The following COL4A4 variants were observed in gnomAD, a reference collection of about 807,000 sequenced individuals.
The protein encoded by COL4A4 is collagen type IV alpha 4 chain.
A neutral mutation model predicts 192.9 loss-of-function variants in COL4A4; 105 were observed. The ratio of observed to expected loss-of-function variants is 0.54; its 90% CI spans 0.46 to 0.64. The LOEUF (loss-of-function observed/expected upper bound fraction) is 0.64. Ranked by LOEUF, COL4A4 falls within the 30% of genes least tolerant of loss-of-function variation. The pLI is 0.00. For missense variants in COL4A4, 1,967 were observed against 2,169.3 expected, an observed-to-expected ratio of 0.91 and a Z score of 1.85; for synonymous variants, 762 against 769.9, an observed-to-expected ratio of 0.99 and a Z score of 0.17.
intron 4 of COL4A4, among the ~76,000 whole-genome samples, chr2:227,138,244 A>G (rs983125062): frequency 6.6e-6 from 1 of 152,212 alleles, no homozygotes; most frequent in South Asian, 2.1e-4. Flanking sequence ...CTTGAGCCCA[A>G]GAGTTTGAGG....
At position 227,004,075 on chromosome 2, in the gene COL4A4, A is replaced by C. The variant is rs567767925; in HGVS notation, c.*3250T>G. On this transcript the variant is annotated 3_prime_UTR_variant, in exon 48 of 48. Transcript: ENST00000396625. ...TTGTCATTGAAAAAAATGAATTGGC[A>C]GTAATGTGTTCAACTCTGTGCTAGG... 6.6e-6 allele frequency: 1 copy of C among 152,392 alleles called. No individual in the cohort carries two copies. The highest frequency in any genetic ancestry group is 2.4e-5 in the African/African-American group (1 of 41,596). The allele number at this position is 152,392 out of a possible 1,614,324, so 9.4% of individuals were successfully genotyped here.
At chr2:227,047,575 A>G (rs777015326) in intron 34 of COL4A4, 26 bp from the exon 35 acceptor site, 3 of 1,538,482 alleles carry the variant, frequency 1.9e-6, no homozygotes, top group Non-Finnish European at 1.8e-6. Context: ...TGCATGTGAC[A>G]TTACTTTAGA....
At chr2:226,975,081 C>G in the COL4A4 span, among the ~76,000 whole-genome samples, 2 of 152,190 alleles carry the variant, frequency 1.3e-5, no homozygotes, top group African/African-American at 4.8e-5. Flanking sequence ...CCAGCTCCTC[C>G]TTCCATTTAG....
chr2:227,103,056 G>A (rs2060612800), intron 14 of COL4A4, 88 bp downstream of exon 14: 2 of 1,234,750 alleles, frequency 1.6e-6, no homozygotes, highest in Non-Finnish European at 1.2e-6. Context: ...AGCACTTAAA[G>A]CAATGATAAA....
intron 2 of COL4A4, among the ~76,000 whole-genome samples, chr2:227,146,526 T>C (rs1190891790): frequency 6.6e-6 from 1 of 152,196 alleles, no homozygotes. Flanking sequence ...TGGTTTCCTG[T>C]TTTCCTATTG....
intron 19 of COL4A4, among the ~76,000 whole-genome samples, chr2:227,095,343 T>C (rs903576747): frequency 6.6e-6 from 1 of 152,220 alleles, no homozygotes; most frequent in Non-Finnish European, 1.5e-5. Context: ...GATTTCAACT[T>C]GGCCTTTCCC....
intron 1 of COL4A4, among the ~76,000 whole-genome samples, chr2:227,148,587 TA>T (rs34464631): frequency 6.6e-6 from 1 of 152,188 alleles, no homozygotes; most frequent in Non-Finnish European, 1.5e-5. Flanking sequence ...TAGTAAACTT[TA>T]AAAAAGTTAA....
intron 4 of COL4A4, among the ~76,000 whole-genome samples, chr2:227,132,159 A>G (rs62277810): frequency 0.056 from 8,578 of 152,194 alleles, 280 homozygotes; most frequent in Middle Eastern, 0.078. Context: ...TGACCCCGAT[A>G]TGCTCCCATG....
At chr2:227,109,396 C>T (rs1362815041) in intron 9 of COL4A4, 110 bp from the exon 10 acceptor site, 2 of 912,610 alleles carry the variant, frequency 2.2e-6, no homozygotes, top group East Asian at 2.4e-5. Flanking sequence ...AAATCACAGC[C>T]ACCAGCACAT....
chr2:226,995,823 G>A, the COL4A4 span: 1 of 360,040 alleles, frequency 2.8e-6, no homozygotes. Flanking sequence ...GCCTCGGTCT[G>A]CTTTTGAAGA....
At chr2:227,013,193 T>G (rs1009292982) in intron 44 of COL4A4, among the ~76,000 whole-genome samples, 1 of 152,180 alleles carries the variant, frequency 6.6e-6, no homozygotes, top group Non-Finnish European at 1.5e-5. Flanking sequence ...TGAGGGAGTT[T>G]ATTGCTATTA....
At chr2:226,988,431 C>T in the COL4A4 span, 1 of 1,550,302 alleles carries the variant, frequency 6.5e-7, no homozygotes. Context: ...CTGAAGCAGG[C>T]CGCAGTTTGG....
chr2:227,106,170 G>A (rs766526862), intron 12 of COL4A4, among the ~76,000 whole-genome samples: 2 of 151,224 alleles, frequency 1.3e-5, no homozygotes, highest in Non-Finnish European at 2.9e-5. Context: ...CAGTGTTGGT[G>A]TAGCACCTGC....
At chr2:227,153,540 C>T (rs1185148263) in intron 1 of COL4A4, among the ~76,000 whole-genome samples, 4 of 152,156 alleles carry the variant, frequency 2.6e-5, no homozygotes, top group African/African-American at 4.8e-5. Context: ...TGACCCAAAG[C>T]AGCCCAACCC....
chr2:227,049,180 A>C (rs903760985), intron 34 of COL4A4, among the ~76,000 whole-genome samples: 1 of 152,224 alleles, frequency 6.6e-6, no homozygotes, highest in African/African-American at 2.4e-5. Flanking sequence ...AGATAGTAAA[A>C]CTATTAAAGG....
In COL4A4 at chr2:227,077,940, T is replaced by A. The variant is rs1450111196; in HGVS notation, c.1941A>T (p.Pro647=). 1 of 1,613,666 alleles carries A rather than the reference T, an allele frequency of 6.2e-7. No homozygotes were observed. Among genetic ancestry groups the A allele is most frequent in the Admixed American group, 1.7e-5 (1 of 60,012 alleles). ...PPGERGHPGV[P]GHPGVRGPDG... ...CAGGGCCCCTCACACCTGGGTGGCC[T>A]GGAACTCCTGGGTGGCCTCGCTCTC... is the stretch of plus-strand genomic sequence containing the variant. Residue 647 remains proline (P), a synonymous_variant, in exon 25 of 48, where the codon CCA becomes CCT. Transcript: ENST00000396625.
At chr2:227,074,714 C>T (rs73078230) in intron 25 of COL4A4, among the ~76,000 whole-genome samples, 4,277 of 152,244 alleles carry the variant, frequency 0.028, 187 homozygotes, top group African/African-American at 0.097. Flanking sequence ...TGGAATACTA[C>T]TCAGCCATTA....
intron 20 of COL4A4, among the ~76,000 whole-genome samples, chr2:227,093,205 T>C (rs2060030126): frequency 6.6e-6 from 1 of 152,074 alleles, no homozygotes; most frequent in South Asian, 2.1e-4. Context: ...CAAGCTAACT[T>C]TGAAAGAATT....
intron 22 of COL4A4, among the ~76,000 whole-genome samples, chr2:227,087,671 T>A (rs2059676856): frequency 6.6e-6 from 1 of 152,144 alleles, no homozygotes; most frequent in African/African-American, 2.4e-5. Flanking sequence ...GCCTCCCAGC[T>A]CATCTCCCAG....
Sources: allele counts gnomAD v4.1 joint callset (sites outside exome capture counted in the v4.1 genomes callset), GRCh38; gene constraint gnomAD v4.1.1; transcripts MANE v1.5; gene names NCBI Gene and HGNC (gene_info 2026-07-23, HGNC 2026-07-21).